COX7B2: variants seen among roughly 807,000 people sequenced by gnomAD.
COX7B2 encodes the protein cytochrome c oxidase subunit 7B2, also known as cytochrome c oxidase subunit 7B2, mitochondrial.
For missense variants in COX7B2, 109 were observed against 95.9 expected, an observed-to-expected ratio of 1.14 and a Z score of -0.57; for synonymous variants, 37 against 32.1, an observed-to-expected ratio of 1.15 and a Z score of -0.51.
chr4:46,875,263 T>A (rs1037157288), intron 1 of COX7B2, among the ~76,000 whole-genome samples: 2 of 152,212 alleles, frequency 1.3e-5, no homozygotes, highest in African/African-American at 4.8e-5. Context: ...TTAAACTCAA[T>A]GGCAGGTAAA....
intron 2 of COX7B2, among the ~76,000 whole-genome samples, chr4:46,747,517 T>C (rs1434362961): frequency 6.6e-6 from 1 of 151,992 alleles, no homozygotes; most frequent in Non-Finnish European, 1.5e-5. Flanking sequence ...TTGGTCAGGC[T>C]GGTCTTGAAC....
At chr4:46,853,821 A>T (rs975969966) in intron 1 of COX7B2, among the ~76,000 whole-genome samples, 1 of 152,140 alleles carries the variant, frequency 6.6e-6, no homozygotes. Flanking sequence ...CACTCAACTG[A>T]TTCTGCATTA....
At chr4:46,856,937 CAATAGAGATAGAGTTTGA>C (rs1717040559) in intron 1 of COX7B2, among the ~76,000 whole-genome samples, 1 of 151,998 alleles carries the variant, frequency 6.6e-6, no homozygotes, top group Non-Finnish European at 1.5e-5. Context: ...AATAATTGGG[CAATAGAGATAGAGTTTGA>C]TAGACCCGTG....
intron 1 of COX7B2, among the ~76,000 whole-genome samples, chr4:46,867,958 T>C (rs1717770071): frequency 6.6e-6 from 1 of 152,136 alleles, no homozygotes; most frequent in Non-Finnish European, 1.5e-5. Flanking sequence ...TGGTATAAGA[T>C]CTTCTTTGTA....
At chr4:46,799,213 T>C (rs1040905803) in intron 2 of COX7B2, among the ~76,000 whole-genome samples, 3 of 152,190 alleles carry the variant, frequency 2.0e-5, no homozygotes, top group Non-Finnish European at 4.4e-5. Context: ...ATTGGTTTTT[T>C]ATCCTGAAAC....
rs1450941342 is a variant in COX7B2 at position 46,735,002 on chromosome 4, T to C, written c.191A>G (p.Glu64Gly). The part of the protein sequence containing the change: ...WVFTATQIGI[E>G]WNLSPVGRVT... ...TCTGCCAACAGGGGATAGGTTCCAT[T>C]CTATTCCAATCTGAGTGGCTGTAAA... Residue 64 changes from glutamate to glycine, a missense_variant, in exon 3 of 3, where the codon GAA becomes GGA. Physicochemically the swap from Glu to Gly is moderately conservative, Grantham distance 98. Transcript: ENST00000355591. The C allele has an allele frequency of 1.2e-6, 2 of 1,614,052 alleles. No homozygotes were observed. The highest frequency in any genetic ancestry group is 1.7e-6 in the Non-Finnish European group (2 of 1,179,938).
chr4:46,829,186 T>C (rs141968094), intron 2 of COX7B2, among the ~76,000 whole-genome samples: 161 of 152,276 alleles, frequency 1.1e-3, no homozygotes, highest in African/African-American at 3.7e-3. Flanking sequence ...ATGGTGTATG[T>C]GATACTGCCC....
chr4:46,906,958 T>C (rs1252363058), intron 1 of COX7B2, among the ~76,000 whole-genome samples: 3 of 152,238 alleles, frequency 2.0e-5, no homozygotes, highest in Non-Finnish European at 4.4e-5. Context: ...CTATGTTACC[T>C]TGAAAACCAC....
Position 46,832,785 on chromosome 4 carries a change from C to G in COX7B2, c.-50+12175G>C, listed in dbSNP as rs146215496. On this transcript the variant is annotated intron_variant, in intron 2 of 2. Coordinates refer to ENST00000355591, the MANE Select transcript of COX7B2 (RefSeq NM_130902.3). ...CTCCCCACTCTCTCTCACTCCTGCT[C>G]TCACCGTGTGACCCACTAGCTCCCC... Among the ~76,000 whole-genome samples, 640 of 152,314 alleles carry G rather than the reference C, an allele frequency of 4.2e-3. 3 individuals are homozygous for G. Among genetic ancestry groups the G allele is most frequent in the African/African-American group, 0.015 (623 of 41,576 alleles).
intron 2 of COX7B2, among the ~76,000 whole-genome samples, chr4:46,737,995 G>A (rs1714467858): frequency 6.6e-6 from 1 of 152,112 alleles, no homozygotes; most frequent in African/African-American, 2.4e-5. Flanking sequence ...TTTCCTGTTA[G>A]TCATGAATCT....
intron 1 of COX7B2, among the ~76,000 whole-genome samples, chr4:46,869,785 C>A (rs1234468819): frequency 6.6e-6 from 1 of 152,078 alleles, no homozygotes; most frequent in Non-Finnish European, 1.5e-5. Flanking sequence ...CCTGCCATTT[C>A]TCTCTTTAGC....
chr4:46,878,774 C>A (rs1297712961), intron 1 of COX7B2, among the ~76,000 whole-genome samples: 1 of 152,110 alleles, frequency 6.6e-6, no homozygotes, highest in Non-Finnish European at 1.5e-5. Context: ...TTCCAGAAAC[C>A]TGGGAAGCTG....
chr4:46,815,858 G>C (rs1719523766), intron 2 of COX7B2, among the ~76,000 whole-genome samples: 1 of 152,134 alleles, frequency 6.6e-6, no homozygotes, highest in African/African-American at 2.4e-5. Context: ...AATTGTCTTA[G>C]CAGATAACAC....
chr4:46,831,647 A>G (rs1343637175), intron 2 of COX7B2, among the ~76,000 whole-genome samples: 1 of 151,964 alleles, frequency 6.6e-6, no homozygotes, highest in African/African-American at 2.4e-5. Flanking sequence ...TTGTGGATGC[A>G]CCAGTTGGCA....
At chr4:46,808,977 G>T (rs1461715677) in intron 2 of COX7B2, among the ~76,000 whole-genome samples, 1 of 151,786 alleles carries the variant, frequency 6.6e-6, no homozygotes, top group Non-Finnish European at 1.5e-5. Flanking sequence ...AGAGAAATTG[G>T]TCTGTAGTTT....
At chr4:46,766,329 C>T (rs561475492) in intron 2 of COX7B2, among the ~76,000 whole-genome samples, 13 of 152,224 alleles carry the variant, frequency 8.5e-5, no homozygotes, top group African/African-American at 3.1e-4. Context: ...TCTATACCTA[C>T]AATAATTTGT....
intron 2 of COX7B2, among the ~76,000 whole-genome samples, chr4:46,771,743 C>T (rs888450848): frequency 2.0e-5 from 3 of 151,924 alleles, no homozygotes; most frequent in Non-Finnish European, 2.9e-5. Flanking sequence ...ATTTCAAAAT[C>T]CAACCCCCCC....
intron 2 of COX7B2, among the ~76,000 whole-genome samples, chr4:46,839,839 T>C (rs1409888640): frequency 6.6e-6 from 1 of 152,110 alleles, no homozygotes; most frequent in Admixed American, 6.6e-5. Flanking sequence ...AGGTAGTACA[T>C]GGTAATGGTG....
intron 2 of COX7B2, among the ~76,000 whole-genome samples, chr4:46,832,408 A>G (rs1176535827): frequency 6.6e-6 from 1 of 152,202 alleles, no homozygotes; most frequent in Non-Finnish European, 1.5e-5. Flanking sequence ...AGAACCCACC[A>G]ATTCCAGACA....
Sources: allele counts gnomAD v4.1 joint callset (sites outside exome capture counted in the v4.1 genomes callset), GRCh38; gene constraint gnomAD v4.1.1; transcripts MANE v1.5; gene names NCBI Gene and HGNC (gene_info 2026-07-23, HGNC 2026-07-21).